Variants in ASH1L observed in about 807,000 individuals in gnomAD.
ASH1L encodes ASH1 like histone lysine methyltransferase.
Under a neutral mutation model 269.0 loss-of-function variants are expected in ASH1L, and 23 were observed. That is an observed-to-expected ratio of 0.09 (90% CI 0.06 to 0.12). The LOEUF (loss-of-function observed/expected upper bound fraction) is 0.12, where lower values mean the gene tolerates loss of function less well. Among genes scored for constraint, ASH1L ranks in the 10% least tolerant of loss-of-function variants. ASH1L has a pLI of 1.00. For synonymous variants in ASH1L, 1,187 were observed against 1,253.5 expected, an observed-to-expected ratio of 0.95 and a Z score of 1.12; for missense variants, 2,912 against 3,567.8, an observed-to-expected ratio of 0.82 and a Z score of 4.68.
At chr1:155,455,933 T>C (rs1663830715) in intron 4 of ASH1L, among the ~76,000 whole-genome samples, 1 of 152,190 alleles carries the variant, frequency 6.6e-6, no homozygotes, top group Non-Finnish European at 1.5e-5. Flanking sequence ...GGTTTATTTC[T>C]ATTTTCCCGT....
chr1:155,540,212 A>C (rs1670335231), intron 1 of ASH1L, among the ~76,000 whole-genome samples: 1 of 152,224 alleles, frequency 6.6e-6, no homozygotes, highest in Non-Finnish European at 1.5e-5. Flanking sequence ...TTAAGAATAT[A>C]GTCTCTGAAG....
At chr1:155,348,945 CAT>C (rs1363976761) in intron 19 of ASH1L, among the ~76,000 whole-genome samples, 160 of 147,160 alleles carry the variant, frequency 1.1e-3, no homozygotes, top group African/African-American at 3.3e-3. Flanking sequence ...CACACACACA[CAT>C]ATAAACATTT....
Position 155,346,283 on chromosome 1 carries a change from C to G in ASH1L, c.7890+100G>C. The G allele has an allele frequency of 1.9e-6, 3 of 1,551,762 alleles. No homozygotes were observed. The South Asian group carries it at 3.4e-5, about 17-fold the overall frequency. On this transcript the variant is annotated intron_variant, in intron 21 of 27. Transcript: ENST00000392403. ...CCAAGGCCCAGAGAGGCTGAACAAC[C>G]TATTAAAGGAAATTCTGCAAAGCAG...
intron 20 of ASH1L, 68 bp downstream of exon 20, chr1:155,347,588 G>A: frequency 6.3e-7 from 1 of 1,591,618 alleles, no homozygotes; most frequent in Non-Finnish European, 8.6e-7. Flanking sequence ...AGAGGCATGG[G>A]CTTCTTCTTT....
chr1:155,422,020 T>C (rs888505732), intron 5 of ASH1L, among the ~76,000 whole-genome samples: 1 of 152,148 alleles, frequency 6.6e-6, no homozygotes, highest in East Asian at 1.9e-4. Context: ...CTCTATTCCA[T>C]CCTCCCTCCA....
intron 5 of ASH1L, among the ~76,000 whole-genome samples, chr1:155,422,992 G>A (rs1433127650): frequency 6.8e-6 from 1 of 147,544 alleles, no homozygotes; most frequent in Non-Finnish European, 1.5e-5. Flanking sequence ...TTGTTGCCCA[G>A]GCTGGAGTGC....
At chr1:155,353,917 C>G (rs2148358057) in intron 16 of ASH1L, among the ~76,000 whole-genome samples, 1 of 152,290 alleles carries the variant, frequency 6.6e-6, no homozygotes, top group East Asian at 1.9e-4. Flanking sequence ...AAAGAGGGCC[C>G]ACTATCTATC....
chr1:155,434,089 T>C, intron 5 of ASH1L: 1 of 1,592,466 alleles, frequency 6.3e-7, no homozygotes, highest in East Asian at 2.3e-5. Flanking sequence ...CTGCTGGGTC[T>C]CCTTTCTCAG....
chr1:155,438,937 T>C lies in ASH1L; in HGVS notation c.5218A>G (p.Thr1740Ala), dbSNP rs1571218610. The C allele has an allele frequency of 1.9e-6, 3 of 1,614,174 alleles. No individual in the cohort carries two copies. The highest frequency in any genetic ancestry group is 1.1e-5 in the South Asian group (1 of 91,080). The change falls in exon 5 of 28, where the codon ACT becomes GCT. Residue 1740 changes from threonine (T) to alanine (A), a missense_variant. Coordinates refer to ENST00000392403, the MANE Select transcript of ASH1L (RefSeq NM_018489.3). ...MEKSIDAVIA[T>A]ASAPPSSSPG... ...CTGGAAGAAGGTGGTGCAGAGGCAG[T>C]TGCAATCACAGCATCAATACTTTTC...
chr1:155,477,287 T>C (rs1030653509), intron 3 of ASH1L, among the ~76,000 whole-genome samples: 1 of 152,134 alleles, frequency 6.6e-6, no homozygotes, highest in Non-Finnish European at 1.5e-5. Flanking sequence ...CTTTTTTTTC[T>C]ATCTAATTGA....
At chr1:155,434,039 C>T (rs55872519) in intron 5 of ASH1L, 21 of 1,591,366 alleles carry the variant, frequency 1.3e-5, no homozygotes, top group Admixed American at 1.8e-5. Context: ...GAAAGGCAAG[C>T]AATCAAGCAG....
At position 155,428,832 on chromosome 1, in the gene ASH1L, A is replaced by G. The variant is rs527992227; in HGVS notation, c.5828+9495T>C. On this transcript the variant is annotated intron_variant, in intron 5 of 27. Coordinates refer to ENST00000392403, the MANE Select transcript of ASH1L (RefSeq NM_018489.3). ...AGTTAATCTAATATCTATAGAAACA[A>G]TGCTAATGACTGGCTTGCTGTTAAT... 2.7e-4 allele frequency among the ~76,000 whole-genome samples: 41 copies of G among 152,342 alleles called. 1 individual carries two copies. In the East Asian group the frequency reaches 6.7e-3, roughly 25 times the overall value.
At chr1:155,442,647 T>C (rs1662694916) in intron 4 of ASH1L, among the ~76,000 whole-genome samples, 1 of 151,274 alleles carries the variant, frequency 6.6e-6, no homozygotes, top group Non-Finnish European at 1.5e-5. Context: ...TTTCAGCTTC[T>C]GCTTACAACT....
Position 155,395,419 on chromosome 1 carries a change from GTTTC to G in ASH1L, c.6103+36_6103+39del, listed in dbSNP as rs766871762. ...ATTTCCCTCAAACCCAGGAAATACT[GTTTC>G]TTCTCAGCAATACATTGTGTGGACT... On this transcript the variant is annotated intron_variant, in intron 7 of 27. Coordinates refer to ENST00000392403, the MANE Select transcript of ASH1L (RefSeq NM_018489.3). 7 of 1,432,626 alleles carry G rather than the reference GTTTC, an allele frequency of 4.9e-6. No homozygotes were observed. The East Asian group carries it at 1.7e-4, about 35-fold the overall frequency. 88.7% of individuals were successfully genotyped at this position (1,432,626 alleles called of 1,614,324 possible).
intron 6 of ASH1L, among the ~76,000 whole-genome samples, chr1:155,415,229 C>A (rs1367416996): frequency 3.3e-5 from 5 of 151,426 alleles, no homozygotes; most frequent in Non-Finnish European, 7.4e-5. Context: ...TAAAAATACA[C>A]AAAATTAGCT....
Position 155,438,349 on chromosome 1 carries a change from C to A in ASH1L, c.5806G>T (p.Glu1936Ter). Residue 1936 changes from glutamate to a stop codon, truncating the protein, a stop_gained, in exon 5 of 28, where the codon GAA (glutamate) becomes TAA (stop). Coordinates refer to ENST00000392403, the MANE Select transcript of ASH1L (RefSeq NM_018489.3). LOFTEE classifies it high-confidence loss of function. ...RKKQKPLPEE[E>*]EQENNKSFNE... ...TACCTTTTATTATTCTCTTGCTCTT[C>A]TTCCTCTGGTAATGGCTTCTGCTTT... The A allele has an allele frequency of 6.4e-7, 1 of 1,572,108 alleles. No homozygotes were observed. The highest frequency in any genetic ancestry group is 1.2e-5 in the South Asian group (1 of 83,792).
chr1:155,391,932 A>C (rs537970602), intron 7 of ASH1L, among the ~76,000 whole-genome samples: 1 of 152,280 alleles, frequency 6.6e-6, no homozygotes, highest in African/African-American at 2.4e-5. Context: ...CTTGAGCCTC[A>C]ACAACACAAT....
intron 3 of ASH1L, among the ~76,000 whole-genome samples, chr1:155,463,345 T>C (rs1473681105): frequency 1.3e-5 from 2 of 152,208 alleles, no homozygotes; most frequent in Admixed American, 6.5e-5. Flanking sequence ...TAGAAGTAAA[T>C]GTGCCTGGGC....
chr1:155,436,472 G>A (rs1440344309), intron 5 of ASH1L, among the ~76,000 whole-genome samples: 5 of 147,066 alleles, frequency 3.4e-5, no homozygotes, highest in Non-Finnish European at 7.4e-5. Context: ...GATTACAGGC[G>A]TGAGCCACCA....
Sources: gnomAD v4.1 joint callset for allele counts (sites outside exome capture counted in the v4.1 genomes callset) on GRCh38, gnomAD v4.1.1 for gene constraint, MANE v1.5 for transcripts, NCBI Gene and HGNC (gene_info 2026-07-23, HGNC 2026-07-21) for gene names.